The following TBX15 variants were observed in gnomAD, a reference collection of about 807,000 sequenced individuals.
TBX15 encodes T-box transcription factor 15, also known as T-box transcription factor TBX15.
Under a neutral mutation model 53.9 loss-of-function variants are expected in TBX15, and 18 were observed. That is an observed-to-expected ratio of 0.33 (90% CI 0.23 to 0.49). TBX15 has a LOEUF of 0.49. TBX15 is among the 20% of genes least tolerant of loss of function. TBX15 has a pLI of 0.98. For missense variants in TBX15, 692 were observed against 749.5 expected, an observed-to-expected ratio of 0.92 and a Z score of 0.90; for synonymous variants, 295 against 278.0, an observed-to-expected ratio of 1.06 and a Z score of -0.61.
chr1:118,895,990 C>T (rs1396538434), intron 7 of TBX15, among the ~76,000 whole-genome samples: 1 of 152,220 alleles, frequency 6.6e-6, no homozygotes, highest in Non-Finnish European at 1.5e-5. Flanking sequence ...CCAGACTTGT[C>T]CAACCCATGG....
upstream of TBX15, among the ~76,000 whole-genome samples, chr1:118,988,628 C>G (rs764532038): frequency 5.3e-5 from 8 of 152,136 alleles, no homozygotes; most frequent in Non-Finnish European, 1.2e-4. Flanking sequence ...GTTTTTCTTC[C>G]AGATCTGCTG....
intron 1 of TBX15, among the ~76,000 whole-genome samples, chr1:118,947,480 C>A (rs181213557): frequency 2.0e-5 from 3 of 152,260 alleles, no homozygotes; most frequent in East Asian, 3.9e-4. Flanking sequence ...CTGACTCTAC[C>A]TAGAGATATG....
intron 6 of TBX15, among the ~76,000 whole-genome samples, chr1:118,908,817 C>A (rs1258575816): frequency 1.3e-5 from 2 of 151,780 alleles, no homozygotes; most frequent in Non-Finnish European, 2.9e-5. Flanking sequence ...TGCACACACA[C>A]ACACATTCAC....
At chr1:118,978,839 A>C (rs1045910727) in intron 1 of TBX15, among the ~76,000 whole-genome samples, 3 of 152,198 alleles carry the variant, frequency 2.0e-5, no homozygotes, top group Non-Finnish European at 1.5e-5. Context: ...CTTTGATGCC[A>C]AAAAATATCA....
In TBX15 at chr1:118,923,542, C is replaced by G. The variant is rs1440879262; in HGVS notation, c.755G>C (p.Ser252Thr). 1.4e-5 allele frequency: 23 copies of G among 1,613,918 alleles called. No homozygotes were observed. The highest frequency in any genetic ancestry group is 1.9e-5 in the Non-Finnish European group (23 of 1,179,948). The change falls in exon 5 of 8, where the codon AGC becomes ACC. Residue 252 changes from serine to threonine, a missense_variant. By Grantham distance (58) the Ser-to-Thr change is moderately conservative. Coordinates refer to ENST00000369429, the MANE Select transcript of TBX15 (RefSeq NM_001330677.2). ...PRVHVIRKDF[S>T]SDLSPTKPVP... ...AGGCTTAGTGGGTGAAAGGTCACTG[C>G]TGAAGTCTTTGCGAATCACATGAAC...
intron 7 of TBX15, among the ~76,000 whole-genome samples, chr1:118,893,237 G>A (rs992488368): frequency 2.9e-5 from 4 of 140,230 alleles, no homozygotes; most frequent in African/African-American, 8.1e-5. Flanking sequence ...AAACTCTGTT[G>A]AAAAGAAAGA....
In TBX15 at chr1:118,885,492, G is replaced by A. The variant is rs1653908380; in HGVS notation, c.1049C>T (p.Thr350Ile). 6.3e-7 allele frequency: 1 copy of A among 1,598,852 alleles called. No homozygotes were observed. Among genetic ancestry groups the A allele is most frequent in the African/African-American group, 1.3e-5 (1 of 74,706 alleles). Reference protein sequence around the residue: ...QQGGSTGTSPTTSSTGTPSPS... With the variant: ...QQGGSTGTSPITSSTGTPSPS... ...GGATGGTGTCCCAGTGCTGGAGGTG[G>A]TTGGGGAAGTGCCTGTGCTGCCTCC... The change falls in exon 8 of 8, where the codon ACC (threonine) becomes ATC (isoleucine). Residue 350 changes from threonine to isoleucine, a missense_variant. This residue lies in a region of TBX15 where 375 missense variants were observed against 371.6 expected (regional missense o/e 1.01). Transcript: ENST00000369429.
intron 7 of TBX15, among the ~76,000 whole-genome samples, chr1:118,894,959 T>A (rs1654371589): frequency 1.3e-5 from 2 of 152,182 alleles, no homozygotes; most frequent in South Asian, 4.1e-4. Context: ...GCCATACGTA[T>A]GGGCATTATT....
intron 1 of TBX15, among the ~76,000 whole-genome samples, chr1:118,975,094 C>T (rs1205375212): frequency 8.5e-5 from 13 of 152,166 alleles, no homozygotes; most frequent in Non-Finnish European, 1.5e-4. Flanking sequence ...TAAAGTTTTC[C>T]CCCGAATTTC....
rs576946011 is a variant in TBX15, at chr1:118,987,628, C to A, written c.168G>T (p.Thr56=). The A allele has an allele frequency of 3.9e-5, 60 of 1,549,754 alleles. 1 individual carries two copies. In the South Asian group the frequency reaches 6.9e-4, roughly 18 times the overall value. ...CCAGGCCGTGTGCCGCCGCGTCCTC[C>A]GTGTCTCCGAGTGGGCCCGCGGGGC... The part of the protein sequence containing the change: ...ALSPAGPLGD[T]EDAAAHGLEP... Residue 56 remains threonine (T), a synonymous_variant, in exon 1 of 8, where the codon ACG becomes ACT. Transcript: ENST00000369429.
intron 5 of TBX15, among the ~76,000 whole-genome samples, chr1:118,914,860 C>A (rs1655147425): frequency 6.6e-6 from 1 of 152,174 alleles, no homozygotes; most frequent in African/African-American, 2.4e-5. Context: ...CTCCAAGACT[C>A]ACAAGCAAAT....
intron 2 of TBX15, among the ~76,000 whole-genome samples, chr1:118,928,841 T>A (rs942513074): frequency 6.6e-6 from 1 of 152,240 alleles, no homozygotes; most frequent in African/African-American, 2.4e-5. Context: ...AAATGAACTA[T>A]GTGACTTTGG....
At chr1:118,907,341 A>G (rs1779422) in intron 6 of TBX15, among the ~76,000 whole-genome samples, 4,507 of 152,350 alleles carry the variant, frequency 0.03, 86 homozygotes, top group South Asian at 0.061. Flanking sequence ...ACAAGTTCAT[A>G]GAACCCTTCA....
At position 118,923,321 on chromosome 1, in the gene TBX15, G is replaced by T. The variant is rs1190263784; in HGVS notation, c.861+115C>A. 2.0e-4 allele frequency: 256 copies of T among 1,310,890 alleles called. 2 individuals carry two copies. The highest frequency in any genetic ancestry group is 7.6e-6 in the Non-Finnish European group (7 of 925,416). 81.2% of individuals were successfully genotyped at this position (1,310,890 alleles called of 1,614,324 possible). A position where few individuals can be genotyped will look rare whatever the true frequency, so the allele number is the denominator to read the frequency against. ...CACTGTATAGTACTTAACATTTAGT[G>T]GACTAAGGGTTGTTGTATGTCAAAT... On this transcript the variant is annotated intron_variant, in intron 5 of 7. Transcript: ENST00000369429.
At chr1:118,965,112 G>C (rs1013614259) in intron 1 of TBX15, among the ~76,000 whole-genome samples, 2 of 152,164 alleles carry the variant, frequency 1.3e-5, no homozygotes, top group African/African-American at 4.8e-5. Flanking sequence ...AGAAATGTTT[G>C]CTGCCATTTC....
intron 1 of TBX15, among the ~76,000 whole-genome samples, chr1:118,972,253 C>T (rs930544328): frequency 6.6e-5 from 10 of 152,200 alleles, no homozygotes; most frequent in African/African-American, 2.4e-4. Flanking sequence ...AACATATGAG[C>T]TCTGCATGGA....
chr1:118,895,584 A>G (rs920894310), intron 7 of TBX15, among the ~76,000 whole-genome samples: 2 of 152,104 alleles, frequency 1.3e-5, no homozygotes, highest in African/African-American at 4.8e-5. Context: ...CTCCAAGCAT[A>G]ACTTGCCTGG....
At chr1:118,953,073 G>C (rs1314760405) in intron 1 of TBX15, among the ~76,000 whole-genome samples, 1 of 133,202 alleles carries the variant, frequency 7.5e-6, no homozygotes. Context: ...CCAAGGAATA[G>C]TTTCTGAAAA....
At chr1:118,897,999 T>G (rs1311075591) in intron 7 of TBX15, among the ~76,000 whole-genome samples, 1 of 152,216 alleles carries the variant, frequency 6.6e-6, no homozygotes, top group Non-Finnish European at 1.5e-5. Context: ...ATGAGGATGA[T>G]GAAGACAATG....
Sources: allele counts gnomAD v4.1 joint callset (sites outside exome capture counted in the v4.1 genomes callset), GRCh38; gene constraint gnomAD v4.1.1; regional missense constraint gnomAD v4.1.1; transcripts MANE v1.5; gene names NCBI Gene and HGNC (gene_info 2026-07-23, HGNC 2026-07-21).